RSPO2: variants seen among roughly 807,000 people sequenced by gnomAD.
The protein encoded by RSPO2 is R-spondin-2.
RSPO2 carries 14 observed loss-of-function variants against 30.9 expected under a neutral mutation model. That is an observed-to-expected ratio of 0.45 (90% confidence interval 0.30 to 0.71). RSPO2 has a LOEUF of 0.71. RSPO2 is among the 30% of genes least tolerant of loss of function. The probability of loss-of-function intolerance (pLI) is 0.08; values close to 1 mark genes in which losing one functional copy is unlikely to be tolerated. For synonymous variants in RSPO2, 107 were observed against 96.4 expected (o/e 1.11, Z -0.64); for missense variants, 264 against 301.9 (o/e 0.87, Z 0.93).
At chr8:108,001,290 T>A (rs973984574) in intron 2 of RSPO2, among the ~76,000 whole-genome samples, 2 of 152,166 alleles carry the variant, frequency 1.3e-5, no homozygotes, top group African/African-American at 4.8e-5. Flanking sequence ...AGTAGTTATC[T>A]ATAGGCCCCA....
At chr8:107,946,061 A>G (rs1267157140) in intron 5 of RSPO2, among the ~76,000 whole-genome samples, 2 of 152,230 alleles carry the variant, frequency 1.3e-5, no homozygotes, top group African/African-American at 2.4e-5. Context: ...GAGTAGAGAC[A>G]ATAAAAATGA....
chr8:107,976,135 G>T (rs1814200378), intron 3 of RSPO2, among the ~76,000 whole-genome samples: 1 of 152,214 alleles, frequency 6.6e-6, no homozygotes, highest in Non-Finnish European at 1.5e-5. Flanking sequence ...AAAGAATGCT[G>T]AAAGTGTACC....
chr8:108,026,930 T>G (rs11991136), intron 2 of RSPO2, among the ~76,000 whole-genome samples: 2,128 of 152,284 alleles, frequency 0.014, 52 homozygotes, highest in African/African-American at 0.048. Context: ...GTGCATAATT[T>G]AACTTCTCTG....
intron 5 of RSPO2, among the ~76,000 whole-genome samples, chr8:107,951,043 G>GTTTTTTTTTTTT (rs767290459): frequency 7.0e-5 from 6 of 85,858 alleles, no homozygotes; most frequent in African/African-American, 2.1e-4. Context: ...GGGAGAATAA[G>GTTTTTTTTTTTT]TTTTTTTTTG....
intron 5 of RSPO2, among the ~76,000 whole-genome samples, chr8:107,944,408 A>G (rs1331201994): frequency 1.3e-5 from 2 of 152,202 alleles, no homozygotes; most frequent in African/African-American, 4.8e-5. Flanking sequence ...CCACTTAAAG[A>G]TAACTTTTTA....
At chr8:107,999,818 A>C (rs866943681) in intron 2 of RSPO2, among the ~76,000 whole-genome samples, 2,987 of 53,832 alleles carry the variant, frequency 0.055, 105 homozygotes, top group African/African-American at 0.28. Context: ...TATCTTCCAA[A>C]AAAAAAAAAT....
At chr8:107,933,577 T>C (rs1258144149) in intron 5 of RSPO2, among the ~76,000 whole-genome samples, 2 of 152,194 alleles carry the variant, frequency 1.3e-5, no homozygotes, top group African/African-American at 2.4e-5. Flanking sequence ...GAAGCACATA[T>C]GCCAAGTTTT....
chr8:108,041,955 G>C (rs1430854917), intron 2 of RSPO2, among the ~76,000 whole-genome samples: 2 of 152,004 alleles, frequency 1.3e-5, no homozygotes, highest in African/African-American at 4.8e-5. Context: ...ATATCTAACA[G>C]TGTTTAAAAA....
chr8:107,992,863 C>A (rs1440951738), intron 2 of RSPO2, among the ~76,000 whole-genome samples: 1 of 151,954 alleles, frequency 6.6e-6, no homozygotes, highest in African/African-American at 2.4e-5. Flanking sequence ...TATAGTTTAA[C>A]CAGGTGAGCA....
At chr8:107,996,390 A>G (rs1815026318) in intron 2 of RSPO2, among the ~76,000 whole-genome samples, 1 of 152,198 alleles carries the variant, frequency 6.6e-6, no homozygotes. Context: ...GGCTGAAGCT[A>G]CATCAGAAGT....
At chr8:108,068,641 C>A (rs1055911739) in intron 2 of RSPO2, among the ~76,000 whole-genome samples, 5 of 152,122 alleles carry the variant, frequency 3.3e-5, no homozygotes, top group African/African-American at 1.2e-4. Flanking sequence ...CAGATGTAAT[C>A]AAGTTAACAT....
At chr8:107,927,290 T>C (rs918732132) in intron 5 of RSPO2, among the ~76,000 whole-genome samples, 49 of 152,286 alleles carry the variant, frequency 3.2e-4, no homozygotes, top group African/African-American at 1.1e-3. Context: ...CTTCAGGAGA[T>C]TTTGGGCTGA....
chr8:108,006,073 C>G (rs375861113), intron 2 of RSPO2, among the ~76,000 whole-genome samples: 1 of 152,086 alleles, frequency 6.6e-6, no homozygotes, highest in Non-Finnish European at 1.5e-5. Context: ...GAAGTATAAT[C>G]CTATACTTTA....
intron 5 of RSPO2, among the ~76,000 whole-genome samples, chr8:107,914,704 A>C (rs185963053): frequency 3.3e-5 from 5 of 152,294 alleles, no homozygotes; most frequent in African/African-American, 1.2e-4. Context: ...TAGAAATCAG[A>C]AGGAATTAAT....
chr8:108,039,200 T>C (rs1811683447), intron 2 of RSPO2, among the ~76,000 whole-genome samples: 2 of 152,182 alleles, frequency 1.3e-5, no homozygotes, highest in East Asian at 1.9e-4. Flanking sequence ...TCTTCATATA[T>C]TACCACAACA....
chr8:107,997,011 C>T (rs1469165417), intron 2 of RSPO2: 7 of 407,696 alleles, frequency 1.7e-5, no homozygotes. Flanking sequence ...ACTCTCTCCC[C>T]ACTTTCTCCA....
chr8:108,030,675 G>C (rs1009503016), intron 2 of RSPO2, among the ~76,000 whole-genome samples: 1 of 152,142 alleles, frequency 6.6e-6, no homozygotes, highest in African/African-American at 2.4e-5. Context: ...CTATGATAAA[G>C]GTGTATCCAA....
At chr8:107,956,779 C>A (rs1317120134) in intron 5 of RSPO2, among the ~76,000 whole-genome samples, 1 of 152,122 alleles carries the variant, frequency 6.6e-6, no homozygotes, top group Non-Finnish European at 1.5e-5. Context: ...ATTTCCAATA[C>A]CTGAATACAT....
At chr8:107,939,019 C>T (rs771537439) in intron 5 of RSPO2, among the ~76,000 whole-genome samples, 1 of 152,100 alleles carries the variant, frequency 6.6e-6, no homozygotes. Flanking sequence ...AACATCCCTC[C>T]AAGAGCGAAG....
Sources: allele counts gnomAD v4.1 joint callset (sites outside exome capture counted in the v4.1 genomes callset), GRCh38; gene constraint gnomAD v4.1.1; transcripts MANE v1.5; gene names NCBI Gene and HGNC (gene_info 2026-07-23, HGNC 2026-07-21).